The following TUSC3 variants were observed in gnomAD, a reference collection of about 807,000 sequenced individuals.
The protein encoded by TUSC3 is tumor suppressor candidate 3.
A neutral mutation model predicts 44.8 loss-of-function variants in TUSC3; 45 were observed. The ratio of observed to expected loss-of-function variants is 1.00; its 90% confidence interval spans 0.79 to 1.29. The LOEUF (loss-of-function observed/expected upper bound fraction) is 1.29, where lower values mean the gene tolerates loss of function less well. Ranked by LOEUF, TUSC3 falls within the 50% of genes most tolerant of loss-of-function variation. TUSC3 has a pLI of 0.00. For missense variants in TUSC3, 519 were observed against 437.9 expected, an observed-to-expected ratio of 1.19 and a Z score of -1.65; for synonymous variants, 212 against 152.9, an observed-to-expected ratio of 1.39 and a Z score of -2.85.
rs563122760 is a variant in TUSC3, at chr8:15,618,914, G to A, written c.139-4166G>A. Among the ~76,000 whole-genome samples the A allele has an allele frequency of 3.3e-5, 5 of 152,202 alleles. No homozygotes were observed. In the East Asian group the frequency reaches 5.8e-4, roughly 18 times the overall value. On this transcript the variant is annotated intron_variant, in intron 1 of 10. Coordinates refer to ENST00000503731, the MANE Select transcript of TUSC3 (RefSeq NM_006765.4). ...AGCCCCATTATAATCTTATGGGACC[G>A]TCTTTGTGTATGGAGTCTGTTGTTA...
chr8:15,509,767 C>G (rs564084445), intron 2 of TUSC3, among the ~76,000 whole-genome samples: 3 of 152,308 alleles, frequency 2.0e-5, no homozygotes, highest in Admixed American at 6.5e-5. Flanking sequence ...ACATCCCTAT[C>G]CATTAACTGG....
intron 7 of TUSC3, among the ~76,000 whole-genome samples, chr8:15,735,397 T>G (rs1389516682): frequency 6.6e-6 from 1 of 152,166 alleles, no homozygotes; most frequent in Admixed American, 6.5e-5. Flanking sequence ...GAGAACAAGG[T>G]TTGGAGGGCA....
intron 1 of TUSC3, among the ~76,000 whole-genome samples, chr8:15,608,596 A>C (rs1044437947): frequency 1.3e-5 from 2 of 151,934 alleles, no homozygotes; most frequent in East Asian, 3.9e-4. Flanking sequence ...ACCTGATGGG[A>C]GGTGATTGGA....
Position 15,650,758 on chromosome 8 carries a change from A to C in TUSC3, c.370A>C (p.Asn124His). 6.2e-7 allele frequency: 1 copy of C among 1,614,186 alleles called. No homozygotes were observed. The highest frequency in any genetic ancestry group is 8.5e-7 in the Non-Finnish European group (1 of 1,180,032). The change falls in exon 3 of 11, where the codon AAC (asparagine) becomes CAC (histidine). Residue 124 changes from asparagine to histidine, a missense_variant. By Grantham distance (68) the Asn-to-His change is moderately conservative (BLOSUM62 1). Coordinates refer to ENST00000503731, the MANE Select transcript of TUSC3 (RefSeq NM_006765.4). ...CTGGCGCTATTCATCTGCTTTTTGT[A>C]ACAAGCTCTTCTTCAGTATGGTGGA... ...NSWRYSSAFC[N>H]KLFFSMVDYD... is the part of the protein sequence containing the mutation.
At chr8:15,575,612 A>G (rs2010716) in intron 1 of TUSC3, among the ~76,000 whole-genome samples, 1 of 151,748 alleles carries the variant, frequency 6.6e-6, no homozygotes, top group South Asian at 2.1e-4. Flanking sequence ...ATTTAAAATA[A>G]AAAAATTAAT....
chr8:15,678,591 A>G (rs1808288033), intron 6 of TUSC3, among the ~76,000 whole-genome samples: 1 of 152,212 alleles, frequency 6.6e-6, no homozygotes. Flanking sequence ...ATGTACGCAT[A>G]TTTAAGAACA....
chr8:15,728,011 C>T (rs1563193090), intron 6 of TUSC3, among the ~76,000 whole-genome samples: 1 of 152,132 alleles, frequency 6.6e-6, no homozygotes, highest in South Asian at 2.1e-4. Flanking sequence ...AAATAAGCTA[C>T]AAGTGTTATA....
intron 7 of TUSC3, among the ~76,000 whole-genome samples, chr8:15,739,561 G>A (rs1004055446): frequency 4.6e-5 from 7 of 152,102 alleles, no homozygotes; most frequent in Admixed American, 1.3e-4. Flanking sequence ...TTATAAAAAT[G>A]ATTTAAAGCA....
chr8:15,734,025 A>T lies in TUSC3; in HGVS notation c.862+3296A>T, dbSNP rs2543143. On this transcript the variant is annotated intron_variant, in intron 7 of 10. Transcript: ENST00000503731. Reference sequence around the variant, plus strand: ...CACACTACACTTGAATCTGGGCGATAGAGTGAGACCCCGTCTCCAAAAAAG... The same window carrying T: ...CACACTACACTTGAATCTGGGCGATTGAGTGAGACCCCGTCTCCAAAAAAG... Among the ~76,000 whole-genome samples the T allele has an allele frequency of 9.9e-3, 1,506 of 152,332 alleles. 10 individuals are homozygous for T. The highest frequency in any genetic ancestry group is 0.028 in the South Asian group (134 of 4,828).
intron 1 of TUSC3, among the ~76,000 whole-genome samples, chr8:15,588,282 G>A (rs1213107879): frequency 1.3e-5 from 2 of 152,024 alleles, no homozygotes; most frequent in African/African-American, 4.8e-5. Flanking sequence ...TCTCACAGTG[G>A]TTTTGATTTG....
chr8:15,496,580 G>A (rs1387170252), intron 2 of TUSC3, among the ~76,000 whole-genome samples: 9 of 152,054 alleles, frequency 5.9e-5, no homozygotes, highest in Non-Finnish European at 5.9e-5. Context: ...TCCCTTACCA[G>A]GCTCAGCACA....
intron 2 of TUSC3, among the ~76,000 whole-genome samples, chr8:15,625,085 A>G (rs1805434369): frequency 6.6e-6 from 1 of 152,174 alleles, no homozygotes; most frequent in African/African-American, 2.4e-5. Flanking sequence ...CTGCATTAAA[A>G]AAATTTTTTT....
chr8:15,567,754 G>A (rs1252196912), intron 1 of TUSC3, among the ~76,000 whole-genome samples: 1 of 152,070 alleles, frequency 6.6e-6, no homozygotes, highest in Non-Finnish European at 1.5e-5. Context: ...TGTAACAAAT[G>A]GTTTTTGCCT....
intron 1 of TUSC3, among the ~76,000 whole-genome samples, chr8:15,472,657 A>T (rs1388962208): frequency 5.3e-5 from 8 of 152,216 alleles, no homozygotes; most frequent in Admixed American, 5.2e-4. Context: ...TATTAGGGCC[A>T]TTATAAGAAC....
intron 1 of TUSC3, among the ~76,000 whole-genome samples, chr8:15,481,727 C>G (rs533641765): frequency 1.3e-5 from 2 of 152,076 alleles, no homozygotes; most frequent in Non-Finnish European, 2.9e-5. Flanking sequence ...AATTTTAAAA[C>G]ACTTTATTAC....
chr8:15,626,038 G>T (rs538957074), intron 2 of TUSC3, among the ~76,000 whole-genome samples: 1 of 152,330 alleles, frequency 6.6e-6, no homozygotes, highest in South Asian at 2.1e-4. Flanking sequence ...TGGCGAGGGA[G>T]GCTGGGTGGT....
the TUSC3 span, among the ~76,000 whole-genome samples, chr8:15,816,690 C>A: frequency 6.6e-6 from 1 of 152,158 alleles, no homozygotes; most frequent in Non-Finnish European, 1.5e-5. Context: ...GTACCTAGAA[C>A]AAAAGACATT....
At chr8:15,670,565 G>A (rs1002976082) in intron 5 of TUSC3, among the ~76,000 whole-genome samples, 3 of 151,836 alleles carry the variant, frequency 2.0e-5, no homozygotes, top group African/African-American at 7.2e-5. Context: ...AAAGTAAAAT[G>A]CGAACATTAG....
chr8:15,448,117 A>ATATATATATATATATTTATTTATT (rs1276079521), intron 1 of TUSC3, among the ~76,000 whole-genome samples: 28,242 of 94,286 alleles, frequency 0.3, 5,445 homozygotes, highest in East Asian at 0.56. Flanking sequence ...ACATATATAT[A>ATATATATATATATATTTATTTATT]TATTTATTTA....
Sources: allele counts gnomAD v4.1 joint callset (sites outside exome capture counted in the v4.1 genomes callset), GRCh38; gene constraint gnomAD v4.1.1; transcripts MANE v1.5; gene names NCBI Gene and HGNC (gene_info 2026-07-23, HGNC 2026-07-21).